The following EPB41L4A variants were observed in gnomAD, a reference collection of about 807,000 sequenced individuals.
EPB41L4A encodes the protein band 4.1-like protein 4A.
Under a neutral mutation model 108.6 loss-of-function variants are expected in EPB41L4A, and 100 were observed. The observed-to-expected ratio is 0.92, with a 90% CI of 0.78 to 1.09. The LOEUF is 1.09. Among genes scored for constraint, EPB41L4A ranks in the 50% least tolerant of loss-of-function variants. The pLI, the probability that EPB41L4A is intolerant of heterozygous loss-of-function variation, is 0.00. For missense variants in EPB41L4A, 1,030 were observed against 842.7 expected (o/e 1.22, Z -2.75); for synonymous variants, 319 against 289.0 (o/e 1.10, Z -1.05).
intron 12 of EPB41L4A, among the ~76,000 whole-genome samples, chr5:112,211,439 G>A (rs1443303641): frequency 6.6e-6 from 1 of 152,100 alleles, no homozygotes; most frequent in African/African-American, 2.4e-5. Flanking sequence ...AAAATTAGCT[G>A]GGCATGGTGG....
chr5:112,265,924 G>T (rs1008673103), intron 5 of EPB41L4A, among the ~76,000 whole-genome samples: 1 of 152,148 alleles, frequency 6.6e-6, no homozygotes, highest in Non-Finnish European at 1.5e-5. Context: ...GAGAGGGTGT[G>T]GGGAGGAAAA....
chr5:112,316,342 C>T (rs1264343928), intron 1 of EPB41L4A, among the ~76,000 whole-genome samples: 2 of 152,176 alleles, frequency 1.3e-5, no homozygotes, highest in African/African-American at 2.4e-5. Flanking sequence ...TTCACTCTAT[C>T]TTTATTTAGT....
At chr5:112,368,371 A>C (rs1398653179) in intron 1 of EPB41L4A, among the ~76,000 whole-genome samples, 1 of 151,792 alleles carries the variant, frequency 6.6e-6, no homozygotes, top group Non-Finnish European at 1.5e-5. Flanking sequence ...TACCTACCCC[A>C]TCTGTTGTCC....
chr5:112,152,072 T>A (rs544557600), intron 12 of EPB41L4A, among the ~76,000 whole-genome samples: 12 of 152,254 alleles, frequency 7.9e-5, no homozygotes, highest in African/African-American at 2.9e-4. Flanking sequence ...AGTTAAAATT[T>A]GAGAATTCCT....
In EPB41L4A at chr5:112,238,374, T is replaced by C. The variant is rs558048069; in HGVS notation, c.965+1286A>G. Reference sequence around the variant, plus strand: ...AATACCTTCATGTAAATTCCAAGAATATCTATAATACAATGACACTTAAGT... The same window carrying C: ...AATACCTTCATGTAAATTCCAAGAACATCTATAATACAATGACACTTAAGT... On this transcript the variant is annotated intron_variant, in intron 11 of 22. Transcript: ENST00000261486. Among the ~76,000 whole-genome samples, 4 of 152,346 alleles carry C rather than the reference T, an allele frequency of 2.6e-5. No homozygotes were observed. The South Asian group carries it at 8.3e-4, about 32-fold the overall frequency.
At chr5:112,203,958 G>T (rs1762341928) in intron 15 of EPB41L4A, among the ~76,000 whole-genome samples, 1 of 151,754 alleles carries the variant, frequency 6.6e-6, no homozygotes, top group Admixed American at 6.6e-5. Flanking sequence ...AGAATCGCCT[G>T]AACCCAGGAG....
At chr5:112,285,203 A>G (rs998783060) in intron 2 of EPB41L4A, among the ~76,000 whole-genome samples, 1 of 152,224 alleles carries the variant, frequency 6.6e-6, no homozygotes, top group East Asian at 1.9e-4. Flanking sequence ...GACATTTAAT[A>G]AAGTTTCCTG....
intron 12 of EPB41L4A, among the ~76,000 whole-genome samples, chr5:112,149,786 G>T (rs1287768175): frequency 2.0e-5 from 3 of 152,086 alleles, no homozygotes; most frequent in African/African-American, 4.8e-5. Context: ...GTCCTGAGAG[G>T]CCACAAATAA....
chr5:112,181,695 GA>G (rs1336996004), intron 18 of EPB41L4A, among the ~76,000 whole-genome samples: 1 of 152,164 alleles, frequency 6.6e-6, no homozygotes, highest in Non-Finnish European at 1.5e-5. Flanking sequence ...CATGTTGAGT[GA>G]AAGTAGTAGT....
At chr5:112,345,532 G>T (rs947123517) in intron 1 of EPB41L4A, among the ~76,000 whole-genome samples, 1 of 151,950 alleles carries the variant, frequency 6.6e-6, no homozygotes, top group Non-Finnish European at 1.5e-5. Context: ...TTGTCCCTGG[G>T]TACTGAGATT....
intron 2 of EPB41L4A, among the ~76,000 whole-genome samples, chr5:112,292,054 A>T (rs929057360): frequency 6.6e-6 from 1 of 152,138 alleles, no homozygotes; most frequent in African/African-American, 2.4e-5. Context: ...AAACTCTAGC[A>T]TATCATCTTA....
At chr5:112,287,373 T>A (rs545174086) in intron 2 of EPB41L4A, among the ~76,000 whole-genome samples, 3 of 152,200 alleles carry the variant, frequency 2.0e-5, no homozygotes, top group Non-Finnish European at 4.4e-5. Flanking sequence ...ATCTCTTCTA[T>A]CCATCTGCAA....
chr5:112,342,367 CATTCACAGAATGCTTT>C (rs1757372431), intron 1 of EPB41L4A, among the ~76,000 whole-genome samples: 1 of 152,132 alleles, frequency 6.6e-6, no homozygotes, highest in African/African-American at 2.4e-5. Flanking sequence ...TTTTCTAAAG[CATTCACAGAATGCTTT>C]ATTCATAGAA....
At chr5:112,400,399 G>A (rs527788120) in intron 1 of EPB41L4A, among the ~76,000 whole-genome samples, 112 of 152,138 alleles carry the variant, frequency 7.4e-4, no homozygotes, top group Non-Finnish European at 1.4e-3. Context: ...ATAAAGAAAA[G>A]AGGTTGCATT....
chr5:112,183,906 A>T, intron 18 of EPB41L4A, 110 bp downstream of exon 18: 1 of 1,317,946 alleles, frequency 7.6e-7, no homozygotes, highest in Non-Finnish European at 1.0e-6. Flanking sequence ...TATGACAAAT[A>T]AACAATGAAA....
intron 13 of EPB41L4A, among the ~76,000 whole-genome samples, chr5:112,144,645 G>T (rs1401648705): frequency 6.6e-6 from 1 of 152,280 alleles, no homozygotes; most frequent in East Asian, 1.9e-4. Flanking sequence ...CCTCAAAGAT[G>T]ATATCTTTTG....
downstream of EPB41L4A, chr5:112,161,786 A>G (rs1198478420): frequency 1.1e-5 from 4 of 368,158 alleles, no homozygotes; most frequent in African/African-American, 4.2e-5. Flanking sequence ...GTAGGGTGAT[A>G]TGTCTTAAAG....
chr5:112,224,039 C>T (rs1296744729), intron 12 of EPB41L4A, among the ~76,000 whole-genome samples: 2 of 152,184 alleles, frequency 1.3e-5, no homozygotes, highest in African/African-American at 2.4e-5. Context: ...GCAGCCTCCG[C>T]CCCGCAGGTT....
intron 1 of EPB41L4A, among the ~76,000 whole-genome samples, chr5:112,307,731 A>C (rs973248374): frequency 2.1e-5 from 3 of 145,804 alleles, no homozygotes; most frequent in Non-Finnish European, 4.5e-5. Context: ...AATTAATATA[A>C]GCTTCTTTCT....
Sources: allele counts gnomAD v4.1 joint callset (sites outside exome capture counted in the v4.1 genomes callset), GRCh38; gene constraint gnomAD v4.1.1; transcripts MANE v1.5; gene names NCBI Gene and HGNC (gene_info 2026-07-23, HGNC 2026-07-21).